The following CWC27 variants were observed in gnomAD, a reference collection of about 807,000 sequenced individuals.
CWC27 encodes spliceosome-associated protein CWC27 homolog.
A neutral mutation model predicts 63.6 loss-of-function variants in CWC27; 47 were observed. That is an observed-to-expected ratio of 0.74 (90% confidence interval 0.58 to 0.94). The LOEUF (loss-of-function observed/expected upper bound fraction) is 0.94, where lower values mean the gene tolerates loss of function less well. Among genes scored for constraint, CWC27 ranks in the 40% least tolerant of loss-of-function variants. The pLI is 0.00. For synonymous variants in CWC27, 175 were observed against 179.8 expected, an observed-to-expected ratio of 0.97 and a Z score of 0.22; for missense variants, 495 against 554.3, an observed-to-expected ratio of 0.89 and a Z score of 1.07.
intron 10 of CWC27, among the ~76,000 whole-genome samples, chr5:64,859,392 A>G (rs758953790): frequency 3.9e-5 from 6 of 152,202 alleles, no homozygotes; most frequent in Non-Finnish European, 7.3e-5. Context: ...TTGTTGAACT[A>G]TATACACTCG....
At chr5:64,780,063 C>T (rs1371751472) in intron 2 of CWC27, among the ~76,000 whole-genome samples, 1 of 152,104 alleles carries the variant, frequency 6.6e-6, no homozygotes, top group Non-Finnish European at 1.5e-5. Flanking sequence ...GACTAATATA[C>T]CCCTCCTCCA....
intron 11 of CWC27, among the ~76,000 whole-genome samples, chr5:64,905,200 C>CAAAAAAAAAAAAAAAAAAAAAAAA (rs71608574): frequency 3.6e-5 from 2 of 55,558 alleles, no homozygotes; most frequent in African/African-American, 1.3e-4. Flanking sequence ...CACTACATCT[C>CAAAAAAAAAAAAAAAAAAAAAAAA]AAAAAAAAAA....
rs573268038 is a variant in CWC27, at chr5:64,815,956, T to C, written c.938+11570T>C. Among the ~76,000 whole-genome samples the C allele has an allele frequency of 3.3e-5, 5 of 152,294 alleles. No homozygotes were observed. The South Asian group carries it at 6.2e-4, about 19-fold the overall frequency. On this transcript the variant is annotated intron_variant, in intron 10 of 13. Coordinates refer to ENST00000381070, the MANE Select transcript of CWC27 (RefSeq NM_005869.4). ...GTAAAGGAATTTCTGTATGAAGGAA[T>C]AGGGGAGTTGTATAGAATCCAGATA...
At chr5:64,824,214 C>G (rs761690332) in intron 10 of CWC27, among the ~76,000 whole-genome samples, 8 of 152,068 alleles carry the variant, frequency 5.3e-5, no homozygotes, top group Non-Finnish European at 1.2e-4. Flanking sequence ...CTTATAGAAA[C>G]ACTTCAAATC....
chr5:64,975,493 C>T (rs1749213444), intron 12 of CWC27, among the ~76,000 whole-genome samples: 1 of 152,060 alleles, frequency 6.6e-6, no homozygotes, highest in African/African-American at 2.4e-5. Flanking sequence ...TAATGATGGA[C>T]TCTGTAAATA....
At chr5:64,806,363 A>C (rs1035460796) in intron 10 of CWC27, among the ~76,000 whole-genome samples, 4 of 152,206 alleles carry the variant, frequency 2.6e-5, no homozygotes, top group Admixed American at 6.6e-5. Flanking sequence ...AGGTGGCTTG[A>C]ATATTTTAGG....
At chr5:64,820,271 A>G (rs543914334) in intron 10 of CWC27, among the ~76,000 whole-genome samples, 4 of 152,248 alleles carry the variant, frequency 2.6e-5, no homozygotes, top group Non-Finnish European at 4.4e-5. Flanking sequence ...GGCACACTTC[A>G]TCTGGGCTCT....
chr5:65,000,964 A>T (rs898228816), intron 13 of CWC27, among the ~76,000 whole-genome samples: 2 of 151,954 alleles, frequency 1.3e-5, no homozygotes, highest in Non-Finnish European at 2.9e-5. Context: ...TAAGCAGAGG[A>T]TGTCTTTTCA....
intron 10 of CWC27, among the ~76,000 whole-genome samples, chr5:64,855,075 T>C (rs1746219705): frequency 6.6e-6 from 1 of 152,230 alleles, no homozygotes; most frequent in Non-Finnish European, 1.5e-5. Context: ...GAGCCAAGTT[T>C]ACAGTGAATG....
intron 10 of CWC27, among the ~76,000 whole-genome samples, chr5:64,877,518 A>G (rs900159392): frequency 1.3e-5 from 2 of 152,028 alleles, no homozygotes; most frequent in African/African-American, 4.8e-5. Context: ...ATAGTTAACA[A>G]TAATGGATTG....
chr5:64,938,505 T>C (rs1748405995), intron 11 of CWC27, among the ~76,000 whole-genome samples: 1 of 152,230 alleles, frequency 6.6e-6, no homozygotes, highest in Non-Finnish European at 1.5e-5. Flanking sequence ...CCATTGTGGG[T>C]AACCTGACCT....
chr5:64,963,397 T>G (rs1026838330), intron 11 of CWC27, among the ~76,000 whole-genome samples: 2 of 152,188 alleles, frequency 1.3e-5, no homozygotes, highest in Non-Finnish European at 2.9e-5. Flanking sequence ...ATGACCCAGT[T>G]TATGGCTTAA....
At chr5:64,994,846 A>T (rs1749603275) in intron 13 of CWC27, among the ~76,000 whole-genome samples, 1 of 152,206 alleles carries the variant, frequency 6.6e-6, no homozygotes, top group Non-Finnish European at 1.5e-5. Context: ...ATATATAGTA[A>T]TCATTGCCAA....
intron 10 of CWC27, among the ~76,000 whole-genome samples, chr5:64,848,823 A>G (rs1561433851): frequency 6.6e-6 from 1 of 152,194 alleles, no homozygotes; most frequent in African/African-American, 2.4e-5. Flanking sequence ...TTAGGTATAG[A>G]AGGAATGTGC....
At chr5:64,849,369 A>G (rs183212960) in intron 10 of CWC27, among the ~76,000 whole-genome samples, 3 of 152,336 alleles carry the variant, frequency 2.0e-5, no homozygotes, top group Admixed American at 6.5e-5. Context: ...GGAAGAATTA[A>G]TGTTGTTAAA....
At chr5:64,959,411 C>T (rs917900728) in intron 11 of CWC27, among the ~76,000 whole-genome samples, 1 of 152,078 alleles carries the variant, frequency 6.6e-6, no homozygotes, top group Non-Finnish European at 1.5e-5. Flanking sequence ...ATAATTTCCA[C>T]GATGGATTTT....
intron 13 of CWC27, among the ~76,000 whole-genome samples, chr5:65,006,620 A>G (rs1749845898): frequency 6.6e-6 from 1 of 152,120 alleles, no homozygotes. Context: ...CCTAAAAATT[A>G]TTTTATAAAC....
chr5:64,823,540 C>A (rs548735513), intron 10 of CWC27, among the ~76,000 whole-genome samples: 2 of 152,134 alleles, frequency 1.3e-5, no homozygotes, highest in Non-Finnish European at 2.9e-5. Context: ...GTTTTCCCAC[C>A]TCCTACATCC....
rs551945418 is a variant in CWC27 at position 64,804,326 on chromosome 5, C to A, written c.878C>A (p.Thr293Lys). ...ATTGCCAAAAAATTAAAAAAGGACA[C>A]AAGTGCGAATGTTAAATCAGCTGGA... ...ERIAKKLKKDTSANVKSAGEG... is the reference protein window; with the variant it reads ...ERIAKKLKKDKSANVKSAGEG... Residue 293 changes from threonine (T) to lysine (K), a missense_variant, in exon 10 of 14, where the codon ACA (threonine) becomes AAA (lysine). By Grantham distance (78) the Thr-to-Lys change is moderately conservative. Transcript: ENST00000381070. The A allele has an allele frequency of 4.3e-6, 7 of 1,612,878 alleles. No individual in the cohort carries two copies. The highest frequency in any genetic ancestry group is 1.7e-5 in the Admixed American group (1 of 59,904).
Sources: gnomAD v4.1 joint callset for allele counts (sites outside exome capture counted in the v4.1 genomes callset) on GRCh38, gnomAD v4.1.1 for gene constraint, MANE v1.5 for transcripts, NCBI Gene and HGNC (gene_info 2026-07-23, HGNC 2026-07-21) for gene names.